Variants in MVK observed in about 807,000 individuals in gnomAD.
MVK encodes LH receptor mRNA-binding protein.
In MVK, 34 loss-of-function variants were observed where a neutral mutation model predicts 43.2. The observed-to-expected ratio is 0.79, with a 90% CI of 0.60 to 1.05. MVK has a LOEUF of 1.05. MVK is among the 50% of genes least tolerant of loss of function. The pLI, the probability that MVK is intolerant of heterozygous loss-of-function variation, is 0.00. For missense variants in MVK, 395 were observed against 504.0 expected, an observed-to-expected ratio of 0.78 and a Z score of 2.07; for synonymous variants, 190 against 219.8, an observed-to-expected ratio of 0.86 and a Z score of 1.20.
Position 109,595,268 on chromosome 12 carries a change from C to T in MVK, c.1039+87C>T. ...GAATTCCCTTGAAAGGAAAAAGAGA[C>T]CTGGAAACAGGTCTCAGCTCCGCTG... On this transcript the variant is annotated intron_variant, in intron 10 of 10. Coordinates refer to ENST00000228510, the MANE Select transcript of MVK (RefSeq NM_000431.4). This position sits in a 1 kb window ranked among gnomAD's most constrained non-coding sequence, Gnocchi z 5.9. The T allele has an allele frequency of 6.4e-7, 1 of 1,554,794 alleles. No homozygotes were observed. The highest frequency in any genetic ancestry group is 8.7e-7 in the Non-Finnish European group (1 of 1,147,210).
rs72648032 is a variant in MVK, at chr12:109,591,693, C to G, written c.885+336C>G. The stretch of plus-strand genomic sequence containing the variant: ...GGGGATGTGGCTGATGCAGAGTGCT[C>G]TGTCGGTGCAGGGGTGACTTCTTGG... On this transcript the variant is annotated intron_variant, in intron 9 of 10. Transcript: ENST00000228510. Among the ~76,000 whole-genome samples the G allele has an allele frequency of 2.5e-3, 374 of 152,342 alleles. 1 individual carries two copies. The highest frequency in any genetic ancestry group is 3.5e-3 in the Non-Finnish European group (240 of 68,040).
chr12:109,585,098 CTGTT>C (rs1390875949), intron 5 of MVK, among the ~76,000 whole-genome samples: 4 of 152,168 alleles, frequency 2.6e-5, no homozygotes, highest in African/African-American at 7.2e-5. Context: ...TTCATTTAAA[CTGTT>C]TGTGAGCCCA....
intron 9 of MVK, among the ~76,000 whole-genome samples, chr12:109,593,996 AC>A (rs1267629378): frequency 7.9e-5 from 12 of 151,850 alleles, no homozygotes; most frequent in African/African-American, 2.9e-4. Flanking sequence ...GGGATTAAAG[AC>A]GTGAGCCACC....
At chr12:109,573,735 C>T (rs1390586610), upstream of MVK, 2 of 553,776 alleles carry the variant, frequency 3.6e-6, no homozygotes, top group Non-Finnish European at 6.5e-6. Flanking sequence ...GTACTCCGGG[C>T]TCGCGCGCTC....
In MVK at chr12:109,596,554, C is replaced by T. The variant is rs2136257762; in HGVS notation, c.1168C>T (p.Gln390Ter). ...HSATSLDSRV[Q>*]QALDGL ...AGCCACCTCCCTGGACAGCCGAGTCCAGCAAGCCCTGGATGGCCTCTGAGA... is the reference window on the plus strand; with the variant it reads ...AGCCACCTCCCTGGACAGCCGAGTCTAGCAAGCCCTGGATGGCCTCTGAGA... The change falls in exon 11 of 11, where the codon CAG (glutamine) becomes TAG (stop). Residue 390 changes from glutamine to a stop codon, truncating the protein, a stop_gained. Transcript: ENST00000228510. LOFTEE classifies it high-confidence loss of function. 3.1e-6 allele frequency: 5 copies of T among 1,611,222 alleles called. No individual in the cohort carries two copies. Among genetic ancestry groups the T allele is most frequent in the Non-Finnish European group, 4.2e-6 (5 of 1,179,970 alleles).
Position 109,581,441 on chromosome 12 carries a change from G to C in MVK, c.418G>C (p.Gly140Arg). 4.3e-6 allele frequency: 7 copies of C among 1,614,096 alleles called. No homozygotes were observed. Among genetic ancestry groups the C allele is most frequent in the Non-Finnish European group, 5.9e-6 (7 of 1,180,006 alleles). ...DIVVWSELPP[G>R]AGLGSSAAYS... ...CGTAGTGTGGTCGGAGCTGCCCCCC[G>C]GGGCGGGCTTGGGCTCCAGCGCCGC... is the stretch of plus-strand genomic sequence containing the variant. The change falls in exon 5 of 11, where the codon GGG becomes CGG. Residue 140 changes from glycine to arginine, a missense_variant. Transcript: ENST00000228510.
intron 5 of MVK, among the ~76,000 whole-genome samples, chr12:109,582,538 C>A (rs975059886): frequency 6.6e-6 from 1 of 152,016 alleles, no homozygotes; most frequent in African/African-American, 2.4e-5. Flanking sequence ...CTGCTTCTAA[C>A]CATTTCTCCC....
intron 3 of MVK, among the ~76,000 whole-genome samples, chr12:109,576,850 G>A (rs1300624846): frequency 6.8e-6 from 1 of 146,058 alleles, no homozygotes; most frequent in Non-Finnish European, 1.5e-5. Flanking sequence ...CAGCCTGGGG[G>A]ACAGGGCAAG....
In MVK at chr12:109,576,053, G is replaced by A. The variant is rs772892275; in HGVS notation, c.134G>A (p.Ser45Asn). The change falls in exon 3 of 11, where the codon AGC (serine) becomes AAC (asparagine). Residue 45 changes from serine to asparagine, a missense_variant. Ser to Asn is a conservative substitution (Grantham distance 46). Transcript: ENST00000228510. ...ACATTCCTCCGGCTTCAACCCCACA[G>A]CAATGGGAAAGTGGACCTCAGCTTA... The part of the protein sequence containing the change: ...LRTFLRLQPH[S>N]NGKVDLSLPN... The A allele has an allele frequency of 1.3e-5, 21 of 1,614,078 alleles. No individual in the cohort carries two copies. Among genetic ancestry groups the A allele is most frequent in the Non-Finnish European group, 1.7e-5 (20 of 1,180,034 alleles).
chr12:109,588,547 C>G (rs1337002208), intron 7 of MVK: 1 of 152,356 alleles, frequency 6.6e-6, no homozygotes, highest in East Asian at 1.9e-4. Context: ...GCGCTGGGTC[C>G]ACAGGCCTAG....
At chr12:109,585,997 T>G (rs201898830) in intron 5 of MVK, 25 bp from the exon 6 acceptor site, 1 of 1,600,184 alleles carries the variant, frequency 6.2e-7, no homozygotes, top group African/African-American at 1.3e-5. Flanking sequence ...ACTGCCACAG[T>G]AAAGATGAAC....
intron 4 of MVK, among the ~76,000 whole-genome samples, 158 bp from the exon 5 acceptor site, chr12:109,581,237 T>C (rs961432490): frequency 6.6e-6 from 1 of 152,196 alleles, no homozygotes; most frequent in Non-Finnish European, 1.5e-5. Flanking sequence ...CATGAGTTCC[T>C]GATGTTCAAT....
intron 9 of MVK, 94 bp from the exon 10 acceptor site, chr12:109,594,934 A>C (rs1885849017): frequency 1.9e-6 from 3 of 1,539,186 alleles, no homozygotes; most frequent in Admixed American, 3.4e-5. Context: ...TCTCCAGCCA[A>C]CAACTGTCAG....
At chr12:109,591,606 G>A (rs1885686257) in intron 9 of MVK, among the ~76,000 whole-genome samples, 1 of 152,232 alleles carries the variant, frequency 6.6e-6, no homozygotes, top group Non-Finnish European at 1.5e-5. Flanking sequence ...CCTGGCTCGT[G>A]CTAAGTGCAA....
intron 9 of MVK, among the ~76,000 whole-genome samples, chr12:109,593,189 G>T (rs1438548837): frequency 6.6e-6 from 1 of 152,272 alleles, no homozygotes; most frequent in African/African-American, 2.4e-5. Flanking sequence ...GCGGCCCCCA[G>T]AAGTCTTCTC....
intron 8 of MVK, 124 bp downstream of exon 8, chr12:109,590,985 G>A (rs1885648857): frequency 9.0e-7 from 1 of 1,110,584 alleles, no homozygotes. Flanking sequence ...GGGCCCTTAG[G>A]GAGGTGGTTT....
upstream of MVK, chr12:109,573,557 C>A (rs1884759666): frequency 3.3e-6 from 5 of 1,504,060 alleles, no homozygotes; most frequent in South Asian, 1.2e-5. Context: ...CACAGCTGGC[C>A]GCGCCACCGC....
chr12:109,574,832 G>T lies in MVK; in HGVS notation c.10G>T (p.Glu4Ter). Residue 4 changes from glutamate (E) to a stop codon, truncating the protein, a stop_gained, in exon 2 of 11, where the codon GAA becomes TAA. Transcript: ENST00000228510. LOFTEE classifies it high-confidence loss of function. The part of the protein sequence containing the change: MLS[E>*]VLLVSAPGKV... The stretch of plus-strand genomic sequence containing the variant: ...AGGATTCCCAGGAGCCATGTTGTCA[G>T]AAGTCCTACTGGTGTCTGCTCCGGG... The T allele has an allele frequency of 6.2e-7, 1 of 1,605,018 alleles. No homozygotes were observed. The highest frequency in any genetic ancestry group is 1.1e-5 in the South Asian group (1 of 89,036).
chr12:109,579,965 G>C lies in MVK; in HGVS notation c.371+19G>C. The stretch of plus-strand genomic sequence containing the variant: ...AGCAGAGGTGTGTGCGTGGTCTGGG[G>C]AAGGAGTCCAGATTCAGCCTCCCAT... On this transcript the variant is annotated intron_variant, in intron 4 of 10. Transcript: ENST00000228510. 1 of 1,614,160 alleles carries C rather than the reference G, an allele frequency of 6.2e-7. No individual in the cohort carries two copies. Among genetic ancestry groups the C allele is most frequent in the Middle Eastern group, 1.7e-4 (1 of 6,048 alleles).
Sources: gnomAD v4.1 joint callset for allele counts (sites outside exome capture counted in the v4.1 genomes callset) on GRCh38, gnomAD v4.1.1 for gene constraint, Gnocchi (gnomAD v3.1) non-coding constraint, MANE v1.5 for transcripts, NCBI Gene and HGNC (gene_info 2026-07-23, HGNC 2026-07-21) for gene names.